The following GIPR variants were observed in gnomAD, a reference collection of about 807,000 sequenced individuals.
The protein encoded by GIPR is gastric inhibitory polypeptide receptor.
A neutral mutation model predicts 62.2 loss-of-function variants in GIPR; 74 were observed. The ratio of observed to expected loss-of-function variants is 1.19; its 90% CI spans 0.99 to 1.44. The LOEUF (loss-of-function observed/expected upper bound fraction) is 1.44. GIPR is among the 40% of genes most tolerant of loss of function. The pLI, the probability that GIPR is intolerant of heterozygous loss-of-function variation, is 0.00. For synonymous variants in GIPR, 256 were observed against 262.2 expected, an observed-to-expected ratio of 0.98 and a Z score of 0.23; for missense variants, 664 against 611.8, an observed-to-expected ratio of 1.09 and a Z score of -0.90.
intron 12 of GIPR, 21 bp downstream of exon 12, chr19:45,678,247 G>T (rs1260778743): frequency 1.9e-6 from 3 of 1,548,680 alleles, no homozygotes; most frequent in Middle Eastern, 2.3e-4. Context: ...AGGGTGCAGG[G>T]GCTCCATCCT....
chr19:45,675,758 C>G (rs1049893521), intron 7 of GIPR, among the ~76,000 whole-genome samples: 11 of 151,856 alleles, frequency 7.2e-5, no homozygotes, highest in Non-Finnish European at 1.6e-4. Context: ...CATGGCGGCC[C>G]TCGCCTGTAC....
chr19:45,671,445 C>T (rs1027395938), intron 4 of GIPR, 53 bp downstream of exon 4: 10 of 1,144,456 alleles, frequency 8.7e-6, no homozygotes, highest in East Asian at 7.0e-5. Flanking sequence ...AACTGCTAAC[C>T]TTTGCCCCCA....
At position 45,671,346 on chromosome 19, in the gene GIPR, C is replaced by T; in HGVS notation, c.234C>T (p.Ala78=). The change falls in exon 4 of 14, where the codon GCC becomes GCT. Residue 78 remains alanine (A), a synonymous_variant. Transcript: ENST00000590918. ...YVCWDYAAPN[A]TARASCPWYL... is the part of the protein sequence containing the mutation. ...GCTGGGACTATGCTGCACCCAATGC[C>T]ACTGCCCGTGCGTCCTGCCCCTGGT... 1 of 1,612,770 alleles carries T rather than the reference C, an allele frequency of 6.2e-7. No homozygotes were observed. The highest frequency in any genetic ancestry group is 8.5e-7 in the Non-Finnish European group (1 of 1,179,832).
chr19:45,681,760 A>G lies in GIPR; in HGVS notation c.1226A>G (p.His409Arg), dbSNP rs562601321. The part of the protein sequence containing the change: ...VQSEIRRGWH[H>R]CRLRRSLGEE... ...TCGGAGATCCGCCGTGGCTGGCACC[A>G]CTGCCGCCTGCGCCGCAGCCTGGGC... Residue 409 changes from histidine to arginine, a missense_variant, in exon 14 of 14, where the codon CAC becomes CGC. By Grantham distance (29) the His-to-Arg change is conservative (BLOSUM62 0). Coordinates refer to ENST00000590918, the MANE Select transcript of GIPR (RefSeq NM_000164.4). The G allele has an allele frequency of 1.4e-5, 22 of 1,606,572 alleles. No homozygotes were observed. Among genetic ancestry groups the G allele is most frequent in the Non-Finnish European group, 1.8e-5 (21 of 1,176,472 alleles).
chr19:45,681,708 C>T (rs1408082003), intron 13 of GIPR, 21 bp from the exon 14 acceptor site: 1 of 1,610,998 alleles, frequency 6.2e-7, no homozygotes, highest in Admixed American at 1.7e-5. Flanking sequence ...GGCGCCGCCT[C>T]TGAGCGCCAT....
intron 5 of GIPR, among the ~76,000 whole-genome samples, chr19:45,673,628 G>T (rs992178598): frequency 6.6e-6 from 1 of 151,932 alleles, no homozygotes; most frequent in Non-Finnish European, 1.5e-5. Context: ...CACTTTGGGA[G>T]GCCAAGGCGG....
At chr19:45,675,067 C>A (rs1464157458) in intron 7 of GIPR, 2 of 538,040 alleles carry the variant, frequency 3.7e-6, no homozygotes, top group Non-Finnish European at 6.9e-6. Flanking sequence ...ATTTTCCGTT[C>A]CTCTCCCTCA....
chr19:45,677,247 G>T, intron 8 of GIPR, 76 bp from the exon 9 acceptor site: 1 of 1,375,870 alleles, frequency 7.3e-7, no homozygotes. Context: ...AATTCCGCGG[G>T]TCTTGGGCCT....
rs529244730 is a variant in GIPR, at chr19:45,674,767, C to G, written c.574C>G (p.Arg192Gly). 34 of 1,613,770 alleles carry G rather than the reference C, an allele frequency of 2.1e-5. No individual in the cohort carries two copies. The highest frequency in any genetic ancestry group is 8.3e-5 in the Admixed American group (5 of 59,966). ...LRAAAILSRD[R>G]LLPRPGPYLG... is the part of the protein sequence containing the mutation. ...AGCTGCGGCCATTCTCAGCCGAGAC[C>G]GTCTGCTACCTCGACCTGGCCCCTA... The change falls in exon 7 of 14, where the codon CGT becomes GGT. Residue 192 changes from arginine (R) to glycine (G), a missense_variant. Coordinates refer to ENST00000590918, the MANE Select transcript of GIPR (RefSeq NM_000164.4).
intron 1 of GIPR, among the ~76,000 whole-genome samples, chr19:45,668,665 C>T (rs963090886): frequency 2.6e-5 from 4 of 152,142 alleles, no homozygotes; most frequent in African/African-American, 9.7e-5. Context: ...TCTGTGACGC[C>T]GTTGTCTGTC....
chr19:45,669,513 C>G lies in GIPR; in HGVS notation c.-8C>G. On this transcript the variant is annotated 5_prime_UTR_variant, in exon 2 of 14. Coordinates refer to ENST00000590918, the MANE Select transcript of GIPR (RefSeq NM_000164.4). The stretch of plus-strand genomic sequence containing the variant: ...CCTGCACGAACCAGACCCTTCGCCG[C>G]CCTCACGATGACTACCTCTCCGATC... The G allele has an allele frequency of 6.4e-7, 1 of 1,570,870 alleles. No individual in the cohort carries two copies. The highest frequency in any genetic ancestry group is 1.9e-5 in the Admixed American group (1 of 53,978).
chr19:45,680,603 G>A (rs986425936), intron 12 of GIPR, among the ~76,000 whole-genome samples: 1 of 151,984 alleles, frequency 6.6e-6, no homozygotes, highest in African/African-American at 2.4e-5. Flanking sequence ...GCTGAGGCGG[G>A]CGTATTGCCT....
intron 12 of GIPR, among the ~76,000 whole-genome samples, chr19:45,681,151 C>A (rs1042299449): frequency 6.6e-6 from 1 of 151,924 alleles, no homozygotes; most frequent in Non-Finnish European, 1.5e-5. Flanking sequence ...ACCACGGTGG[C>A]GGTAGCTGAG....
chr19:45,681,720 G>C lies in GIPR; in HGVS notation c.1195-9G>C. ...TACGGCGCCGCCTCTGAGCGCCATC[G>C]TCTCACAGGTGCAGTCGGAGATCCG... is the stretch of plus-strand genomic sequence containing the variant. On this transcript the variant is annotated splice_polypyrimidine_tract_variant and intron_variant, in intron 13 of 13. Transcript: ENST00000590918. The C allele has an allele frequency of 6.2e-7, 1 of 1,611,458 alleles. No individual in the cohort carries two copies. The highest frequency in any genetic ancestry group is 8.5e-7 in the Non-Finnish European group (1 of 1,178,544).
At position 45,674,763 on chromosome 19, in the gene GIPR, A is replaced by G. The variant is rs773485476; in HGVS notation, c.570A>G (p.Arg190=). The G allele has an allele frequency of 9.3e-6, 15 of 1,613,900 alleles. No homozygotes were observed. Among genetic ancestry groups the G allele is most frequent in the Non-Finnish European group, 1.3e-5 (15 of 1,179,902 alleles). The change falls in exon 7 of 14, where the codon CGA becomes CGG. Residue 190 remains arginine (R), a synonymous_variant. Coordinates refer to ENST00000590918, the MANE Select transcript of GIPR (RefSeq NM_000164.4). ...FMLRAAAILS[R]DRLLPRPGPY... ...TGCGAGCTGCGGCCATTCTCAGCCG[A>G]GACCGTCTGCTACCTCGACCTGGCC...
Position 45,677,036 on chromosome 19 carries a change from C to A in GIPR, c.721C>A (p.Leu241Met). Residue 241 changes from leucine to methionine, a missense_variant, in exon 8 of 14, where the codon CTG becomes ATG. Coordinates refer to ENST00000590918, the MANE Select transcript of GIPR (RefSeq NM_000164.4). The stretch of plus-strand genomic sequence containing the variant: ...GTGGCTGCTGGTGGAGGGCGTCTAC[C>A]TGCACAGTCTCCTGGTGCTCGTGGG... ...YTWLLVEGVY[L>M]HSLLVLVGGS... 1 of 1,613,926 alleles carries A rather than the reference C, an allele frequency of 6.2e-7. No homozygotes were observed.
At chr19:45,677,262 G>A in intron 8 of GIPR, 61 bp from the exon 9 acceptor site, 1 of 1,394,308 alleles carries the variant, frequency 7.2e-7, no homozygotes, top group Non-Finnish European at 9.9e-7. Flanking sequence ...GGGCCTGGCG[G>A]GGCCCGTGAG....
chr19:45,677,832 G>A (rs1018036305), intron 10 of GIPR, 53 bp downstream of exon 10: 3 of 1,599,500 alleles, frequency 1.9e-6, no homozygotes, highest in African/African-American at 1.3e-5. Flanking sequence ...CCCATTCTGG[G>A]AAGTGGGCTG....
intron 12 of GIPR, among the ~76,000 whole-genome samples, chr19:45,678,590 T>C (rs947173542): frequency 1.3e-5 from 2 of 152,114 alleles, no homozygotes; most frequent in African/African-American, 4.8e-5. Flanking sequence ...CTCCAACTCC[T>C]AACCTTGGGT....
Sources: allele counts gnomAD v4.1 joint callset (sites outside exome capture counted in the v4.1 genomes callset), GRCh38; gene constraint gnomAD v4.1.1; transcripts MANE v1.5; gene names NCBI Gene and HGNC (gene_info 2026-07-23, HGNC 2026-07-21).